HTATIP2: variants seen among roughly 807,000 people sequenced by gnomAD.
HTATIP2 encodes the protein protein HTATIP2.
HTATIP2 carries 26 observed loss-of-function variants against 24.7 expected under a neutral mutation model. The ratio of observed to expected loss-of-function variants is 1.05; its 90% CI spans 0.77 to 1.46. HTATIP2 has a LOEUF of 1.46. Ranked by LOEUF, HTATIP2 falls within the 40% of genes most tolerant of loss-of-function variation. The pLI, the probability that HTATIP2 is intolerant of heterozygous loss-of-function variation, is 0.00. For missense variants in HTATIP2, 284 were observed against 289.6 expected (o/e 0.98, Z 0.14); for synonymous variants, 99 against 113.2 (o/e 0.87, Z 0.79).
chr11:20,375,085 T>C (rs1463255239), intron 2 of HTATIP2, among the ~76,000 whole-genome samples: 2 of 152,092 alleles, frequency 1.3e-5, no homozygotes, highest in African/African-American at 4.8e-5. Flanking sequence ...GAATCTGCAC[T>C]CTGCTCTCGG....
intron 2 of HTATIP2, 28 bp downstream of exon 2, chr11:20,367,309 T>C (rs758359559): frequency 6.2e-7 from 1 of 1,613,580 alleles, no homozygotes; most frequent in Non-Finnish European, 8.5e-7. Flanking sequence ...TCTTTTCCCT[T>C]TTTGCTGGCC....
chr11:20,380,438 C>T (rs914857638), intron 3 of HTATIP2, among the ~76,000 whole-genome samples: 7 of 151,868 alleles, frequency 4.6e-5, no homozygotes, highest in African/African-American at 1.7e-4. Context: ...TTTGGGAGGC[C>T]GAGGCGGGCG....
chr11:20,367,570 A>G, intron 2 of HTATIP2: 1 of 1,398,328 alleles, frequency 7.2e-7, no homozygotes, highest in East Asian at 2.6e-5. Context: ...TGACTAAGGG[A>G]AACCATGATG....
At chr11:20,380,106 C>T (rs1848496501) in intron 3 of HTATIP2, among the ~76,000 whole-genome samples, 1 of 152,166 alleles carries the variant, frequency 6.6e-6, no homozygotes, top group Admixed American at 6.5e-5. Flanking sequence ...TTTATGGGAG[C>T]CAGTTACATA....
At chr11:20,370,392 C>T (rs541883787) in intron 2 of HTATIP2, among the ~76,000 whole-genome samples, 235 of 152,212 alleles carry the variant, frequency 1.5e-3, no homozygotes, top group African/African-American at 5.4e-3. Flanking sequence ...CAAGGTGGTT[C>T]GATGTGGTTT....
chr11:20,367,151 C>G, intron 1 of HTATIP2, 23 bp from the exon 2 acceptor site: 2 of 1,612,928 alleles, frequency 1.2e-6, no homozygotes, highest in Non-Finnish European at 1.7e-6. Flanking sequence ...CATGAAACTA[C>G]ATACAACTGT....
intron 1 of HTATIP2, among the ~76,000 whole-genome samples, chr11:20,365,611 C>T (rs770503189): frequency 1.3e-5 from 2 of 152,154 alleles, no homozygotes; most frequent in African/African-American, 4.8e-5. Flanking sequence ...GACATCTTTC[C>T]TCAGGCTGAG....
chr11:20,371,399 A>G (rs2064770696), intron 2 of HTATIP2, among the ~76,000 whole-genome samples: 1 of 152,114 alleles, frequency 6.6e-6, no homozygotes, highest in Non-Finnish European at 1.5e-5. Context: ...TCCTACTGCA[A>G]AATTCTTAAA....
Position 20,383,151 on chromosome 11 carries a change from G to A in HTATIP2, c.675G>A (p.Leu225=). The change falls in exon 5 of 5, where the codon CTG becomes CTA. Residue 225 remains leucine (L), a synonymous_variant. Coordinates refer to ENST00000451739, the MANE Select transcript of HTATIP2 (RefSeq NM_001098522.2). ...VRPRDKQMEL[L]ENKAIHDLGK... ...CAAGAGACAAGCAGATGGAACTGCT[G>A]GAGAACAAGGCCATCCATGACCTGG... The A allele has an allele frequency of 6.2e-7, 1 of 1,613,908 alleles. No homozygotes were observed. The highest frequency in any genetic ancestry group is 8.5e-7 in the Non-Finnish European group (1 of 1,179,976).
At chr11:20,370,132 C>T (rs1031328918) in intron 2 of HTATIP2, among the ~76,000 whole-genome samples, 1 of 152,188 alleles carries the variant, frequency 6.6e-6, no homozygotes, top group African/African-American at 2.4e-5. Flanking sequence ...CCCTGTCCTT[C>T]TTGTTGAACC....
intron 2 of HTATIP2, 102 bp downstream of exon 2, chr11:20,367,383 G>A: frequency 6.3e-7 from 1 of 1,589,330 alleles, no homozygotes; most frequent in African/African-American, 1.3e-5. Flanking sequence ...ATGCTTAAAT[G>A]TGAATAAGCC....
intron 2 of HTATIP2, among the ~76,000 whole-genome samples, chr11:20,371,458 G>T (rs1240694904): frequency 6.6e-6 from 1 of 152,110 alleles, no homozygotes; most frequent in Admixed American, 6.5e-5. Context: ...GCCCAGGCTG[G>T]AGTGCAGTTG....
rs973708033 is a variant in HTATIP2, at chr11:20,363,755, C to T, written c.-483C>T. ...CACCCGGAAGACCAAGCCGGGTAGGCGCTGTCTCCGTCGCCTCCAACCCCC... is the reference window on the plus strand; with the variant it reads ...CACCCGGAAGACCAAGCCGGGTAGGTGCTGTCTCCGTCGCCTCCAACCCCC... On this transcript the variant is annotated 5_prime_UTR_variant, in exon 1 of 5. Coordinates refer to ENST00000451739, the MANE Select transcript of HTATIP2 (RefSeq NM_001098522.2). 1.2e-5 allele frequency: 15 copies of T among 1,236,162 alleles called. No homozygotes were observed. The African/African-American group carries it at 2.3e-4, about 19-fold the overall frequency. 76.6% of individuals were successfully genotyped at this position (1,236,162 alleles called of 1,614,324 possible).
chr11:20,383,366 G>C lies in HTATIP2; in HGVS notation c.*161G>C. ...GATGGTGCTCTGCATCAGTGGTTCA[G>C]AGCCTGGTTATACATATAGATCACT... On this transcript the variant is annotated 3_prime_UTR_variant, in exon 5 of 5. Transcript: ENST00000451739. 1 of 618,264 alleles carries C rather than the reference G, an allele frequency of 1.6e-6. No homozygotes were observed. Among genetic ancestry groups the C allele is most frequent in the Non-Finnish European group, 2.8e-6 (1 of 351,104 alleles). 38.3% of individuals were successfully genotyped at this position (618,264 alleles called of 1,614,324 possible).
intron 2 of HTATIP2, among the ~76,000 whole-genome samples, chr11:20,373,960 G>A (rs536385169): frequency 2.0e-5 from 3 of 152,344 alleles, no homozygotes; most frequent in African/African-American, 7.2e-5. Context: ...AGGACTGAGT[G>A]TCAAAGTATA....
chr11:20,375,528 G>A (rs1195488917), intron 2 of HTATIP2, among the ~76,000 whole-genome samples: 6 of 152,168 alleles, frequency 3.9e-5, no homozygotes, highest in Non-Finnish European at 5.9e-5. Context: ...TGGAGACCAC[G>A]CCACTGCCCT....
At chr11:20,380,860 A>T (rs977359037) in intron 3 of HTATIP2, among the ~76,000 whole-genome samples, 2 of 152,152 alleles carry the variant, frequency 1.3e-5, no homozygotes, top group Admixed American at 6.5e-5. Flanking sequence ...AAAAGAAATG[A>T]TACATACTAC....
Position 20,382,237 on chromosome 11 carries a change from T to G in HTATIP2, c.501T>G (p.Pro167=). ...LKFDRYSVFR[P]GVLLCDRQES... is the part of the protein sequence containing the mutation. ...TTGATCGTTACTCTGTATTTAGGCC[T>G]GGGTAAGTATAATATTTATACTGAA... The change falls in exon 4 of 5, where the codon CCT becomes CCG. Residue 167 remains proline (P), a splice_region_variant and synonymous_variant. Transcript: ENST00000451739. 6.5e-7 allele frequency: 1 copy of G among 1,543,510 alleles called. No individual in the cohort carries two copies. Among genetic ancestry groups the G allele is most frequent in the Non-Finnish European group, 9.0e-7 (1 of 1,115,830 alleles).
chr11:20,366,079 TTTTTCTTTTC>T (rs1215958540), intron 1 of HTATIP2, among the ~76,000 whole-genome samples: 12 of 149,286 alleles, frequency 8.0e-5, no homozygotes, highest in Middle Eastern at 3.4e-3. Context: ...CCTATTTTTC[TTTTTCTTTTC>T]TTTTCTTTTC....
Sources: gnomAD v4.1 joint callset for allele counts (sites outside exome capture counted in the v4.1 genomes callset) on GRCh38, gnomAD v4.1.1 for gene constraint, MANE v1.5 for transcripts, NCBI Gene and HGNC (gene_info 2026-07-23, HGNC 2026-07-21) for gene names.